SGCE: variants seen among roughly 807,000 people sequenced by gnomAD.
SGCE encodes the protein sarcoglycan epsilon.
Under a neutral mutation model 57.8 loss-of-function variants are expected in SGCE, and 26 were observed. The observed-to-expected ratio is 0.45, with a 90% CI of 0.33 to 0.62. The LOEUF is 0.62. Among genes scored for constraint, SGCE ranks in the 20% least tolerant of loss-of-function variants. The probability of loss-of-function intolerance (pLI) is 0.02; values close to 1 mark genes in which losing one functional copy is unlikely to be tolerated. For missense variants in SGCE, 468 were observed against 548.6 expected (o/e 0.85, Z 1.47); for synonymous variants, 183 against 189.5 (o/e 0.97, Z 0.28).
chr7:94,656,117 G>T lies in SGCE; in HGVS notation c.-19C>A, dbSNP rs997380461. ...ATTGCATTCTTGGCCTGGCTAGGCC[G>T]TCCGTCCTCGATTCTCCCCTCCCCT... On this transcript the variant is annotated 5_prime_UTR_variant, in exon 1 of 11. Transcript: ENST00000648936. The T allele has an allele frequency of 1.7e-5, 24 of 1,439,846 alleles. No individual in the cohort carries two copies. The highest frequency in any genetic ancestry group is 2.0e-5 in the Non-Finnish European group (20 of 1,021,710). 89.2% of individuals were successfully genotyped at this position (1,439,846 alleles called of 1,614,324 possible).
In SGCE at chr7:94,585,538, TGGGCAGGAGTTAGTCA is replaced by T. The variant is rs1157651174; in HGVS notation, c.1298-39_1298-24del. ...TACCTGCAATGTGTAAGAATGAATA[TGGGCAGGAGTTAGTCA>T]GGGCATGGATACTTTTAGATTTTGA... On this transcript the variant is annotated intron_variant, in intron 10 of 10. Coordinates refer to ENST00000648936, the MANE Select transcript of SGCE (RefSeq NM_003919.3). 6 of 1,563,024 alleles carry T rather than the reference TGGGCAGGAGTTAGTCA, an allele frequency of 3.8e-6. No individual in the cohort carries two copies. The African/African-American group carries it at 8.1e-5, about 21-fold the overall frequency.
intron 5 of SGCE, chr7:94,616,899 T>A (rs1201876240): frequency 6.6e-6 from 1 of 152,200 alleles, no homozygotes; most frequent in African/African-American, 2.4e-5. Context: ...AGGTTAAGGC[T>A]TAACATTAAA....
chr7:94,642,129 C>T (rs190866688), intron 1 of SGCE, among the ~76,000 whole-genome samples: 1 of 152,178 alleles, frequency 6.6e-6, no homozygotes, highest in Admixed American at 6.5e-5. Flanking sequence ...CCTAGGAGTA[C>T]AAATCAAAAT....
Position 94,656,075 on chromosome 7 carries a change from C to A in SGCE, c.24G>T (p.Glu8Asp). The A allele has an allele frequency of 6.2e-7, 1 of 1,611,816 alleles. No homozygotes were observed. Among genetic ancestry groups the A allele is most frequent in the South Asian group, 1.1e-5 (1 of 91,036 alleles). Residue 8 changes from glutamate to aspartate, a missense_variant, in exon 1 of 11, where the codon GAG becomes GAT. Physicochemically the swap from Glu to Asp is conservative, Grantham distance 45. Coordinates refer to ENST00000648936, the MANE Select transcript of SGCE (RefSeq NM_003919.3). MQLPRWWELGDPCAWTGQ... is the reference protein window; with the variant it reads MQLPRWWDLGDPCAWTGQ... Reference sequence around the variant, plus strand: ...CCGTCCAAGCACAGGGGTCTCCCAGCTCCCACCACCGGGGCAATTGCATTC... The same window carrying A: ...CCGTCCAAGCACAGGGGTCTCCCAGATCCCACCACCGGGGCAATTGCATTC...
intron 1 of SGCE, 60 bp from the exon 2 acceptor site, chr7:94,629,901 A>T (rs1418912310): frequency 2.5e-6 from 4 of 1,596,160 alleles, no homozygotes; most frequent in Non-Finnish European, 2.6e-6. Flanking sequence ...CGCCCTTGAT[A>T]ATTCAGCTTA....
At chr7:94,618,700 A>G in intron 5 of SGCE, 58 bp downstream of exon 5, 1 of 1,417,942 alleles carries the variant, frequency 7.1e-7, no homozygotes, top group South Asian at 1.2e-5. Context: ...AATAAGTTTG[A>G]TAAGATCACC....
chr7:94,653,655 G>GT (rs1808190077), intron 1 of SGCE, among the ~76,000 whole-genome samples: 1 of 151,700 alleles, frequency 6.6e-6, no homozygotes, highest in Non-Finnish European at 1.5e-5. Flanking sequence ...GTATTGTTTT[G>GT]TTTTTTGGAT....
At chr7:94,631,210 A>G (rs1193875649) in intron 1 of SGCE, among the ~76,000 whole-genome samples, 1 of 152,008 alleles carries the variant, frequency 6.6e-6, no homozygotes, top group African/African-American at 2.4e-5. Flanking sequence ...TCTACTCAAG[A>G]ACAATGTACT....
At chr7:94,595,034 C>T (rs1300905536) in intron 9 of SGCE, among the ~76,000 whole-genome samples, 2 of 152,092 alleles carry the variant, frequency 1.3e-5, no homozygotes, top group Non-Finnish European at 2.9e-5. Context: ...ACTATCTATC[C>T]CTGCCTAGAT....
intron 6 of SGCE, among the ~76,000 whole-genome samples, chr7:94,601,305 G>C (rs953084015): frequency 6.0e-5 from 9 of 149,302 alleles, no homozygotes; most frequent in African/African-American, 2.2e-4. Context: ...AAAGAAAAAA[G>C]GAAAAAAAAA....
chr7:94,605,254 G>A (rs1799937740), intron 5 of SGCE, among the ~76,000 whole-genome samples: 1 of 152,080 alleles, frequency 6.6e-6, no homozygotes, highest in South Asian at 2.1e-4. Flanking sequence ...AATGAATAAA[G>A]TGAAACTACT....
chr7:94,607,412 A>T (rs754510264), intron 5 of SGCE, among the ~76,000 whole-genome samples: 12 of 152,196 alleles, frequency 7.9e-5, no homozygotes. Context: ...TCAACAAAAT[A>T]TTAGCAAATC....
rs376425117 is a variant in SGCE, at chr7:94,627,850, C to T, written c.390+352G>A. ...AGCAGGGGTATATGTCTGTTGATGG[C>T]TATATTTCAATGAACATAAAACTTG... On this transcript the variant is annotated intron_variant, in intron 3 of 10. Coordinates refer to ENST00000648936, the MANE Select transcript of SGCE (RefSeq NM_003919.3). 171 of 243,620 alleles carry T rather than the reference C, an allele frequency of 7.0e-4. 1 individual carries two copies. The highest frequency in any genetic ancestry group is 3.6e-3 in the African/African-American group (156 of 43,766). The allele number at this position is 243,620 out of a possible 1,614,324, so 15.1% of individuals were successfully genotyped here.
intron 9 of SGCE, among the ~76,000 whole-genome samples, chr7:94,595,937 C>T (rs1012700678): frequency 3.3e-5 from 5 of 152,094 alleles, no homozygotes; most frequent in African/African-American, 4.8e-5. Flanking sequence ...ATGAGTCAGA[C>T]GCACTTGATG....
intron 9 of SGCE, chr7:94,598,501 CAT>C (rs1262454927): frequency 7.8e-6 from 3 of 385,334 alleles, no homozygotes; most frequent in Admixed American, 4.2e-5. Flanking sequence ...TTTGAGCAAA[CAT>C]GTAATGTTGA....
At chr7:94,638,893 A>T (rs1254164382) in intron 1 of SGCE, among the ~76,000 whole-genome samples, 1 of 152,168 alleles carries the variant, frequency 6.6e-6, no homozygotes, top group Non-Finnish European at 1.5e-5. Flanking sequence ...AAACATATCA[A>T]TTTGGTTTTG....
intron 10 of SGCE, among the ~76,000 whole-genome samples, chr7:94,585,991 A>T (rs1321761304): frequency 6.7e-6 from 1 of 150,318 alleles, no homozygotes; most frequent in Admixed American, 6.7e-5. Context: ...AAGTCCAGGA[A>T]CACAACACCA....
In SGCE at chr7:94,606,097, G is replaced by A. The variant is rs1473661736; in HGVS notation, c.663-2645C>T. 2.0e-5 allele frequency among the ~76,000 whole-genome samples: 3 copies of A among 152,212 alleles called. No individual in the cohort carries two copies. The East Asian group carries it at 5.8e-4, about 29-fold the overall frequency. On this transcript the variant is annotated intron_variant, in intron 5 of 10. Transcript: ENST00000648936. Reference sequence around the variant, plus strand: ...GCCTGCCTCTGCCTCCCAAAGTGCTGGGATTACAGGCGTGAGCTACCATGG... The same window carrying A: ...GCCTGCCTCTGCCTCCCAAAGTGCTAGGATTACAGGCGTGAGCTACCATGG...
At chr7:94,636,689 G>A (rs1805632909) in intron 1 of SGCE, among the ~76,000 whole-genome samples, 1 of 152,164 alleles carries the variant, frequency 6.6e-6, no homozygotes, top group Non-Finnish European at 1.5e-5. Flanking sequence ...TGCTGAGGTA[G>A]AATGTCAAAA....
Sources: gnomAD v4.1 joint callset for allele counts (sites outside exome capture counted in the v4.1 genomes callset) on GRCh38, gnomAD v4.1.1 for gene constraint, MANE v1.5 for transcripts, NCBI Gene and HGNC (gene_info 2026-07-23, HGNC 2026-07-21) for gene names.